Variants in EYS observed in about 807,000 individuals in gnomAD.
The protein encoded by EYS is protein eyes shut homolog.
A neutral mutation model predicts 282.1 loss-of-function variants in EYS; 250 were observed. That is an observed-to-expected ratio of 0.89 (90% CI 0.80 to 0.98). The LOEUF is 0.98. Ranked by LOEUF, EYS falls within the 50% of genes least tolerant of loss-of-function variation. The pLI is 0.00. For synonymous variants in EYS, 1,355 were observed against 1,282.9 expected (o/e 1.06, Z -1.20); for missense variants, 4,016 against 3,709.0 (o/e 1.08, Z -2.15).
rs535553228 is a variant in EYS, at chr6:65,671,501, GA to G, written c.-447-31610del. 1.2e-3 allele frequency among the ~76,000 whole-genome samples: 182 copies of G among 151,818 alleles called. 1 individual carries two copies. Among genetic ancestry groups the G allele is most frequent in the Middle Eastern group, 3.4e-3 (1 of 292 alleles). Reference sequence around the variant, plus strand: ...ACTGTTATATTTCACATAACTAATGGAAAAAAAATTCTGACAGGCTTTCTTG... The same window carrying G: ...ACTGTTATATTTCACATAACTAATGGAAAAAAATTCTGACAGGCTTTCTTG... On this transcript the variant is annotated intron_variant, in intron 1 of 42. Transcript: ENST00000503581.
At chr6:65,266,009 A>T (rs1261316563) in intron 12 of EYS, among the ~76,000 whole-genome samples, 3 of 151,912 alleles carry the variant, frequency 2.0e-5, no homozygotes, top group African/African-American at 7.2e-5. Flanking sequence ...GAATAAAAAA[A>T]TTAACATTTA....
intron 10 of EYS, among the ~76,000 whole-genome samples, 154 bp downstream of exon 10, chr6:65,343,884 T>C (rs71572527): frequency 6.6e-6 from 1 of 151,564 alleles, no homozygotes; most frequent in African/African-American, 2.4e-5. Flanking sequence ...AAGTAGACTG[T>C]TGAGAATTTG....
intron 35 of EYS, among the ~76,000 whole-genome samples, chr6:63,909,778 A>G (rs778601892): frequency 6.6e-6 from 1 of 152,192 alleles, no homozygotes; most frequent in Non-Finnish European, 1.5e-5. Context: ...CCACCCCCAG[A>G]AATTCCTATT....
chr6:65,271,993 AG>A (rs1216261165), intron 12 of EYS, among the ~76,000 whole-genome samples: 2 of 152,176 alleles, frequency 1.3e-5, no homozygotes, highest in African/African-American at 4.8e-5. Flanking sequence ...CTATGTCTAC[AG>A]GAGGTAAAGT....
At chr6:64,838,652 G>A (rs947452176) in intron 19 of EYS, among the ~76,000 whole-genome samples, 1 of 133,730 alleles carries the variant, frequency 7.5e-6, no homozygotes, top group East Asian at 2.0e-4. Flanking sequence ...ACGCATGCAC[G>A]CACACACAGA....
At chr6:65,330,074 C>T (rs1769740240) in intron 11 of EYS, 1 of 983,530 alleles carries the variant, frequency 1.0e-6, no homozygotes. Flanking sequence ...CTTGTATGTT[C>T]AGAAAGTGAA....
intron 26 of EYS, among the ~76,000 whole-genome samples, chr6:64,514,940 A>G (rs886138530): frequency 2.6e-5 from 4 of 151,846 alleles, no homozygotes; most frequent in Non-Finnish European, 5.9e-5. Flanking sequence ...TGCCTTGCAC[A>G]TTATAAACGT....
chr6:65,569,195 C>T (rs1764393197), intron 2 of EYS, among the ~76,000 whole-genome samples: 1 of 152,092 alleles, frequency 6.6e-6, no homozygotes, highest in African/African-American at 2.4e-5. Flanking sequence ...TCAAAAGCTC[C>T]CCCACTGAGC....
At chr6:64,075,938 A>C (rs1428963204) in intron 32 of EYS, among the ~76,000 whole-genome samples, 1 of 151,958 alleles carries the variant, frequency 6.6e-6, no homozygotes, top group Non-Finnish European at 1.5e-5. Flanking sequence ...CCAAATTCTG[A>C]CACTGTCTGA....
chr6:63,762,651 G>T lies in EYS; in HGVS notation c.7899-18C>A. 6.5e-7 allele frequency: 1 copy of T among 1,548,186 alleles called. No individual in the cohort carries two copies. The highest frequency in any genetic ancestry group is 8.7e-7 in the Non-Finnish European group (1 of 1,145,292). ...AATTGCAGCTGTGGGTTGAGAGAAAGCCGCATGGTTTGAGCACTTGTTTAG... is the reference window on the plus strand; with the variant it reads ...AATTGCAGCTGTGGGTTGAGAGAAATCCGCATGGTTTGAGCACTTGTTTAG... On this transcript the variant is annotated intron_variant, in intron 40 of 42. Coordinates refer to ENST00000503581, the MANE Select transcript of EYS (RefSeq NM_001142800.2).
chr6:64,808,052 C>CCTCCT (rs1317464138), intron 22 of EYS, among the ~76,000 whole-genome samples: 3 of 99,222 alleles, frequency 3.0e-5, no homozygotes, highest in South Asian at 3.2e-4. Context: ...CCTTTCCCTT[C>CCTCCT]TTCCCTTCTT....
intron 12 of EYS, among the ~76,000 whole-genome samples, chr6:65,115,474 T>C (rs528681223): frequency 6.6e-6 from 1 of 152,058 alleles, no homozygotes; most frequent in South Asian, 2.1e-4. Context: ...GTGTCTCGGA[T>C]CAGACTAGCT....
At chr6:64,411,022 A>G (rs1053432936) in intron 28 of EYS, among the ~76,000 whole-genome samples, 1 of 152,108 alleles carries the variant, frequency 6.6e-6, no homozygotes, top group African/African-American at 2.4e-5. Context: ...GACTGTTTTA[A>G]GTCTTTAGAA....
chr6:65,334,919 T>G, intron 11 of EYS, 61 bp downstream of exon 11: 1 of 1,484,096 alleles, frequency 6.7e-7, no homozygotes, highest in Non-Finnish European at 9.3e-7. Flanking sequence ...GTTCGATGAC[T>G]ATCAATTTAA....
At chr6:64,161,523 G>T (rs149880124) in intron 31 of EYS, among the ~76,000 whole-genome samples, 2,334 of 152,214 alleles carry the variant, frequency 0.015, 47 homozygotes, top group Non-Finnish European at 0.019. Context: ...ATTTCTTGTG[G>T]GAAGTAATCT....
chr6:64,362,004 A>G (rs1453938665), intron 29 of EYS, among the ~76,000 whole-genome samples: 1 of 151,794 alleles, frequency 6.6e-6, no homozygotes, highest in Non-Finnish European at 1.5e-5. Flanking sequence ...TTTTCCAGAA[A>G]AATTTTTAAT....
rs67506368 is a variant in EYS, at chr6:65,165,288, G to GT, written c.2024-107562dup. 2.9e-3 allele frequency among the ~76,000 whole-genome samples: 403 copies of GT among 138,782 alleles called. 3 individuals are homozygous for GT. The highest frequency in any genetic ancestry group is 3.5e-3 in the East Asian group (16 of 4,508). 91.0% of individuals were successfully genotyped at this position (138,782 alleles called of 152,430 possible). The stretch of plus-strand genomic sequence containing the variant: ...CTTTGCATATATTTAAGTTTTCTTT[G>GT]TTTTTTTTTTTTAATTTATTTGCAC... On this transcript the variant is annotated intron_variant, in intron 12 of 42. Coordinates refer to ENST00000503581, the MANE Select transcript of EYS (RefSeq NM_001142800.2).
intron 2 of EYS, among the ~76,000 whole-genome samples, chr6:65,578,403 C>A (rs1375758019): frequency 6.6e-6 from 1 of 151,614 alleles, no homozygotes; most frequent in Non-Finnish European, 1.5e-5. Flanking sequence ...CTAGAAAAGT[C>A]AAATTCATAG....
intron 11 of EYS, among the ~76,000 whole-genome samples, chr6:65,301,157 A>C (rs1294058042): frequency 6.6e-6 from 1 of 152,122 alleles, no homozygotes. Context: ...TGCATTTTAA[A>C]TAATTTTTGT....
Sources: gnomAD v4.1 joint callset for allele counts (sites outside exome capture counted in the v4.1 genomes callset) on GRCh38, gnomAD v4.1.1 for gene constraint, MANE v1.5 for transcripts, NCBI Gene and HGNC (gene_info 2026-07-23, HGNC 2026-07-21) for gene names.